The following DERL2 variants were observed in gnomAD, a reference collection of about 807,000 sequenced individuals.
The protein encoded by DERL2 is derlin 2.
In DERL2, 13 loss-of-function variants were observed where a neutral mutation model predicts 32.0. The ratio of observed to expected loss-of-function variants is 0.41; its 90% CI spans 0.26 to 0.65. The LOEUF is 0.65. Ranked by LOEUF, DERL2 falls within the 30% of genes least tolerant of loss-of-function variation. The pLI is 0.35. For synonymous variants in DERL2, 111 were observed against 104.7 expected (o/e 1.06, Z -0.37); for missense variants, 208 against 296.3 (o/e 0.70, Z 2.19).
chr17:5,485,866 A>AC (rs964036747), intron 1 of DERL2: 7 of 448,772 alleles, frequency 1.6e-5, no homozygotes, highest in Middle Eastern at 5.8e-4. Flanking sequence ...AACTGACCTG[A>AC]CCCCCCATGA....
chr17:5,474,933 G>A lies in DERL2; in HGVS notation c.615-144C>T, dbSNP rs529217125. ...CAATTAAACAGTTAACATATTGTAA[G>A]AGCATCTATAATTATTAACATTTAC... On this transcript the variant is annotated intron_variant, in intron 6 of 6. Coordinates refer to ENST00000158771, the MANE Select transcript of DERL2 (RefSeq NM_016041.5). The surrounding 1 kb of genome is among the most constrained non-coding windows in gnomAD (Gnocchi z 4.3). 8.3e-6 allele frequency: 4 copies of A among 479,722 alleles called. No individual in the cohort carries two copies. The highest frequency in any genetic ancestry group is 4.2e-5 in the Admixed American group (1 of 23,948). 29.7% of individuals were successfully genotyped at this position (479,722 alleles called of 1,614,324 possible).
intron 1 of DERL2, 61 bp from the exon 2 acceptor site, chr17:5,485,277 A>G (rs1906111628): frequency 1.6e-6 from 2 of 1,257,962 alleles, no homozygotes; most frequent in African/African-American, 3.1e-5. Context: ...CATTTACAAC[A>G]AAGAATTAGT....
Position 5,474,176 on chromosome 17 carries a change from A to G in DERL2, c.*508T>C, listed in dbSNP as rs904768797. 1.3e-5 allele frequency: 2 copies of G among 152,260 alleles called. No individual in the cohort carries two copies. The highest frequency in any genetic ancestry group is 1.3e-4 in the Admixed American group (2 of 15,292). The allele number at this position is 152,260 out of a possible 1,614,324, so 9.4% of individuals were successfully genotyped here. A position where few individuals can be genotyped will look rare whatever the true frequency, so the allele number is the denominator to read the frequency against. Reference sequence around the variant, plus strand: ...TCCAATCCTGAAATGAAATCCAGTTAAAAGTTGTGAAGACACAGGAAGAAC... The same window carrying G: ...TCCAATCCTGAAATGAAATCCAGTTGAAAGTTGTGAAGACACAGGAAGAAC... On this transcript the variant is annotated 3_prime_UTR_variant, in exon 7 of 7. Coordinates refer to ENST00000158771, the MANE Select transcript of DERL2 (RefSeq NM_016041.5). This position sits in a 1 kb window ranked among gnomAD's most constrained non-coding sequence, Gnocchi z 4.3.
At chr17:5,477,102 TAGGACAGATGGAA>T (rs1405553569) in intron 6 of DERL2, among the ~76,000 whole-genome samples, 2 of 152,216 alleles carry the variant, frequency 1.3e-5, no homozygotes, top group East Asian at 1.9e-4. Flanking sequence ...AGAATCAGGT[TAGGACAGATGGAA>T]AGGGCAGATG....
intron 2 of DERL2, 53 bp downstream of exon 2, chr17:5,485,098 G>T: frequency 7.6e-7 from 1 of 1,313,996 alleles, no homozygotes; most frequent in Non-Finnish European, 1.1e-6. Flanking sequence ...CTACTAAACA[G>T]TAAGAAAAAG....
Position 5,481,429 on chromosome 17 carries a change from T to C in DERL2, c.234-40A>G, listed in dbSNP as rs758456253. Reference sequence around the variant, plus strand: ...TAAGAAAATATTAAGCACACGAATATGAACAAAGTAAAAATTTAATGTTAT... The same window carrying C: ...TAAGAAAATATTAAGCACACGAATACGAACAAAGTAAAAATTTAATGTTAT... On this transcript the variant is annotated intron_variant, in intron 3 of 6. Coordinates refer to ENST00000158771, the MANE Select transcript of DERL2 (RefSeq NM_016041.5). The surrounding 1 kb of genome is among the most constrained non-coding windows in gnomAD (Gnocchi z 4.4). 1 of 1,405,784 alleles carries C rather than the reference T, an allele frequency of 7.1e-7. No homozygotes were observed. The highest frequency in any genetic ancestry group is 1.0e-6 in the Non-Finnish European group (1 of 995,074). The allele number at this position is 1,405,784 out of a possible 1,614,324, so 87.1% of individuals were successfully genotyped here.
intron 2 of DERL2, among the ~76,000 whole-genome samples, chr17:5,483,623 C>G (rs1905947320): frequency 6.6e-6 from 1 of 152,170 alleles, no homozygotes; most frequent in Admixed American, 6.5e-5. Flanking sequence ...GCAAGCTACC[C>G]CCAATTCACA....
intron 6 of DERL2, among the ~76,000 whole-genome samples, chr17:5,475,495 G>C (rs781678166): frequency 2.0e-4 from 31 of 152,242 alleles, no homozygotes; most frequent in Non-Finnish European, 1.3e-4. Flanking sequence ...CTGAACTCAG[G>C]TGATCTGCCT....
In DERL2 at chr17:5,481,714, A is replaced by G. The variant is rs1409750558; in HGVS notation, c.234-325T>C. On this transcript the variant is annotated intron_variant, in intron 3 of 6. Coordinates refer to ENST00000158771, the MANE Select transcript of DERL2 (RefSeq NM_016041.5). The surrounding 1 kb of genome is among the most constrained non-coding windows in gnomAD (Gnocchi z 4.4). ...ACCTAGGATGGAGTGCAATGGTGCC[A>G]TATCGGCTCACTGCAAGCTCCGCCT... 1.3e-5 allele frequency among the ~76,000 whole-genome samples: 2 copies of G among 151,586 alleles called. No homozygotes were observed. Among genetic ancestry groups the G allele is most frequent in the African/African-American group, 4.9e-5 (2 of 41,200 alleles).
rs1212899199 is a variant in DERL2, at chr17:5,471,937, A to C, written c.*2747T>G. 6.6e-6 allele frequency: 1 copy of C among 152,246 alleles called. No individual in the cohort carries two copies. Among genetic ancestry groups the C allele is most frequent in the South Asian group, 2.1e-4 (1 of 4,834 alleles). The allele number at this position is 152,246 out of a possible 1,614,324, so 9.4% of individuals were successfully genotyped here. On this transcript the variant is annotated 3_prime_UTR_variant, in exon 7 of 7. Coordinates refer to ENST00000158771, the MANE Select transcript of DERL2 (RefSeq NM_016041.5). Reference sequence around the variant, plus strand: ...AGAGGCCCCAGAGACTGAGGGTTTCATTATCCAGACCCAGGACTTAGGTGT... The same window carrying C: ...AGAGGCCCCAGAGACTGAGGGTTTCCTTATCCAGACCCAGGACTTAGGTGT...
chr17:5,485,153 G>A lies in DERL2; in HGVS notation c.157C>T (p.Gln53Ter). 6.3e-7 allele frequency: 1 copy of A among 1,578,078 alleles called. No individual in the cohort carries two copies. Among genetic ancestry groups the A allele is most frequent in the Non-Finnish European group, 8.6e-7 (1 of 1,160,480 alleles). ...FNPELIFKHF[Q>*]IWRLITNFLF... ...CACTATTGTGATGAACCACTTACTTGAAAGTGTTTAAAGATTAATTCAGGA... is the reference window on the plus strand; with the variant it reads ...CACTATTGTGATGAACCACTTACTTAAAAGTGTTTAAAGATTAATTCAGGA... The change falls in exon 2 of 7, where the codon CAA (glutamine) becomes TAA (stop). Residue 53 changes from glutamine (Q) to a stop codon, truncating the protein, a stop_gained and splice_region_variant. Coordinates refer to ENST00000158771, the MANE Select transcript of DERL2 (RefSeq NM_016041.5). LOFTEE classifies it high-confidence loss of function.
At chr17:5,476,653 T>TGC (rs1905402456) in intron 6 of DERL2, among the ~76,000 whole-genome samples, 1 of 152,126 alleles carries the variant, frequency 6.6e-6, no homozygotes, top group African/African-American at 2.4e-5. Flanking sequence ...TGGTGGCGCA[T>TGC]GCCTATGATC....
chr17:5,485,900 C>A, intron 1 of DERL2, 169 bp downstream of exon 1: 1 of 502,360 alleles, frequency 2.0e-6, no homozygotes, highest in Non-Finnish European at 3.5e-6. Context: ...TCTCGCGTCA[C>A]TGGATAAGCA....
Position 5,480,453 on chromosome 17 carries a change from A to T in DERL2, c.457T>A (p.Phe153Ile). Residue 153 changes from phenylalanine (F) to isoleucine (I), a missense_variant, in exon 5 of 7, where the codon TTT (phenylalanine) becomes ATT (isoleucine). This residue lies in a region of DERL2 where 124 missense variants were observed against 215.3 expected (regional missense o/e 0.58). Transcript: ENST00000158771. ...AATCCCATGAGCACCCAGGGCAGAA[A>T]GGGGGCCTGGAAGTTGAGAAGGCCG... ...FFGLLNFQAP[F>I]LPWVLMGFSL... The T allele has an allele frequency of 6.2e-7, 1 of 1,613,794 alleles. No individual in the cohort carries two copies. Among genetic ancestry groups the T allele is most frequent in the South Asian group, 1.1e-5 (1 of 91,002 alleles).
At chr17:5,483,771 G>T (rs1458502555) in intron 2 of DERL2, among the ~76,000 whole-genome samples, 2 of 152,154 alleles carry the variant, frequency 1.3e-5, no homozygotes, top group South Asian at 4.1e-4. Context: ...AACTCCAAAT[G>T]CACAGTGTCA....
chr17:5,480,689 A>G lies in DERL2; in HGVS notation c.328-107T>C, dbSNP rs147994410. The stretch of plus-strand genomic sequence containing the variant: ...AACAGAAGTTTGAATTGGAAAAGTC[A>G]AGTTGTTACATCTTTAGAATAGAAG... On this transcript the variant is annotated intron_variant, in intron 4 of 6. Coordinates refer to ENST00000158771, the MANE Select transcript of DERL2 (RefSeq NM_016041.5). 1.1e-3 allele frequency: 1,115 copies of G among 998,162 alleles called. 11 individuals carry two copies. The African/African-American group carries it at 0.017, about 15-fold the overall frequency. 61.8% of individuals were successfully genotyped at this position (998,162 alleles called of 1,614,324 possible).
At position 5,484,315 on chromosome 17, in the gene DERL2, C is replaced by T. The variant is rs56770008; in HGVS notation, c.159+836G>A. ...AGGCTGGAGTGCAATGGCACAATCT[C>T]GGCTCACTGCAACCTCCGCCTCCCG... On this transcript the variant is annotated intron_variant, in intron 2 of 6. Coordinates refer to ENST00000158771, the MANE Select transcript of DERL2 (RefSeq NM_016041.5). Among the ~76,000 whole-genome samples the T allele has an allele frequency of 2.2e-3, 333 of 152,356 alleles. 1 individual carries two copies. Among genetic ancestry groups the T allele is most frequent in the African/African-American group, 7.5e-3 (312 of 41,580 alleles).
At chr17:5,486,331 G>A, upstream of DERL2, 3 of 431,542 alleles carry the variant, frequency 7.0e-6, no homozygotes, top group Middle Eastern at 6.5e-4. Context: ...ACGCACATCC[G>A]CCAATCACGA....
rs1406484347 is a variant in DERL2, at chr17:5,481,436, A to C, written c.234-47T>G. ...ATATTAAGCACACGAATATGAACAA[A>C]GTAAAAATTTAATGTTATCTTGTAA... On this transcript the variant is annotated intron_variant, in intron 3 of 6. Coordinates refer to ENST00000158771, the MANE Select transcript of DERL2 (RefSeq NM_016041.5). The surrounding 1 kb of genome is among the most constrained non-coding windows in gnomAD (Gnocchi z 4.4). 7.4e-7 allele frequency: 1 copy of C among 1,354,852 alleles called. No individual in the cohort carries two copies. The highest frequency in any genetic ancestry group is 1.2e-5 in the South Asian group (1 of 84,728). The allele number at this position is 1,354,852 out of a possible 1,614,324, so 83.9% of individuals were successfully genotyped here. A position where few individuals can be genotyped will look rare whatever the true frequency, so the allele number is the denominator to read the frequency against.
Sources: gnomAD v4.1 joint callset for allele counts (sites outside exome capture counted in the v4.1 genomes callset) on GRCh38, gnomAD v4.1.1 for gene constraint, gnomAD v4.1.1 regional missense constraint, Gnocchi (gnomAD v3.1) non-coding constraint, MANE v1.5 for transcripts, NCBI Gene and HGNC (gene_info 2026-07-23, HGNC 2026-07-21) for gene names.